CPPED1: variants seen among roughly 807,000 people sequenced by gnomAD.
The protein encoded by CPPED1 is calcineurin like phosphoesterase domain containing 1.
In CPPED1, 28 loss-of-function variants were observed where a neutral mutation model predicts 28.0. The observed-to-expected ratio is 1.00, with a 90% CI of 0.74 to 1.37. The LOEUF (loss-of-function observed/expected upper bound fraction) is 1.37. CPPED1 is among the 40% of genes most tolerant of loss of function. The probability of loss-of-function intolerance (pLI) is 0.00; values close to 1 mark genes in which losing one functional copy is unlikely to be tolerated. For missense variants in CPPED1, 504 were observed against 416.5 expected, an observed-to-expected ratio of 1.21 and a Z score of -1.83; for synonymous variants, 198 against 180.2, an observed-to-expected ratio of 1.10 and a Z score of -0.79.
chr16:12,756,126 G>A (rs1031919729), intron 2 of CPPED1, among the ~76,000 whole-genome samples: 24 of 123,824 alleles, frequency 1.9e-4, no homozygotes, highest in African/African-American at 9.4e-4. Flanking sequence ...GCGAAACTCC[G>A]TCAAAAAAAA....
chr16:12,704,668 C>T lies in CPPED1; in HGVS notation c.671G>A (p.Ser224Asn), dbSNP rs747224066. Residue 224 changes from serine (S) to asparagine (N), a missense_variant, in exon 3 of 4, where the codon AGC becomes AAC. Transcript: ENST00000381774. ...DEDDDYYFNL[S>N]KSTRKKLADK... ...TGCCAACTTCTTCCGAGTGGACTTG[C>T]TGAGGTTGAAGTAGTAGTCGTCGTC... is the stretch of plus-strand genomic sequence containing the variant. 6.2e-7 allele frequency: 1 copy of T among 1,613,818 alleles called. No homozygotes were observed. The highest frequency in any genetic ancestry group is 8.5e-7 in the Non-Finnish European group (1 of 1,179,728).
At chr16:12,767,068 C>T (rs1298635824) in intron 2 of CPPED1, among the ~76,000 whole-genome samples, 2 of 151,884 alleles carry the variant, frequency 1.3e-5, no homozygotes, top group Non-Finnish European at 2.9e-5. Flanking sequence ...AGGAGATACA[C>T]AGATATGTAA....
At chr16:12,716,843 G>A (rs1296136818) in intron 2 of CPPED1, among the ~76,000 whole-genome samples, 1 of 151,780 alleles carries the variant, frequency 6.6e-6, no homozygotes, top group Non-Finnish European at 1.5e-5. Flanking sequence ...AAGTTCTAGG[G>A]AGGGGCCCAG....
intron 2 of CPPED1, among the ~76,000 whole-genome samples, chr16:12,706,559 A>G (rs530006890): frequency 0.016 from 1,694 of 107,194 alleles, 40 homozygotes; most frequent in African/African-American, 0.049. Context: ...TTTCACCGAA[A>G]AAAAAAAAAA....
At chr16:12,801,768 A>C (rs2080661165) in intron 1 of CPPED1, among the ~76,000 whole-genome samples, 2 of 152,176 alleles carry the variant, frequency 1.3e-5, no homozygotes, top group Non-Finnish European at 2.9e-5. Context: ...GGATGATTTT[A>C]AAAAGGGTTT....
intron 3 of CPPED1, among the ~76,000 whole-genome samples, chr16:12,681,114 C>A (rs529509487): frequency 4.3e-4 from 64 of 149,220 alleles, no homozygotes; most frequent in Non-Finnish European, 7.6e-4. Flanking sequence ...AAGGATTCCT[C>A]CCCCGACCCC....
intron 1 of CPPED1, among the ~76,000 whole-genome samples, chr16:12,783,609 C>T (rs1334503703): frequency 1.3e-5 from 2 of 152,090 alleles, no homozygotes; most frequent in East Asian, 1.9e-4. Context: ...CCAGTGATAA[C>T]CTTTTTAAAT....
chr16:12,756,137 C>CAAAAAAAAAAAAA (rs1165308331), intron 2 of CPPED1, among the ~76,000 whole-genome samples: 1 of 144,250 alleles, frequency 6.9e-6, no homozygotes, highest in African/African-American at 2.8e-5. Context: ...TCAAAAAAAA[C>CAAAAAAAAAAAAA]AAAAAAAAAT....
chr16:12,757,117 CAGCACCTCGAGGGTGACCAATTAAGTTAT>C (rs1375644184), intron 2 of CPPED1, among the ~76,000 whole-genome samples: 35 of 151,652 alleles, frequency 2.3e-4, no homozygotes, highest in African/African-American at 8.5e-4. Flanking sequence ...AACTAAGTTA[CAGCACCTCGAGGGTGACCAATTAAGTTAT>C]AGCACCTCGA....
intron 3 of CPPED1, among the ~76,000 whole-genome samples, chr16:12,697,947 T>TA (rs1483084319): frequency 6.6e-6 from 1 of 152,018 alleles, no homozygotes; most frequent in Middle Eastern, 3.2e-3. Context: ...CTATCTCTTC[T>TA]AAAAATACAA....
At chr16:12,746,827 G>A (rs1381202286) in intron 2 of CPPED1, among the ~76,000 whole-genome samples, 2 of 152,122 alleles carry the variant, frequency 1.3e-5, no homozygotes, top group African/African-American at 4.8e-5. Flanking sequence ...TCGCTTGCAG[G>A]TGGACTGTGA....
intron 1 of CPPED1, among the ~76,000 whole-genome samples, chr16:12,793,272 C>A (rs1025546592): frequency 2.0e-5 from 3 of 152,196 alleles, no homozygotes; most frequent in African/African-American, 7.2e-5. Flanking sequence ...AGGCTGATTG[C>A]AAGACAGAGT....
At chr16:12,752,650 ATAT>A (rs1443213682) in intron 2 of CPPED1, among the ~76,000 whole-genome samples, 3 of 147,136 alleles carry the variant, frequency 2.0e-5, no homozygotes, top group South Asian at 4.2e-4. Context: ...ATATGTTTAT[ATAT>A]TATATGATAT....
At chr16:12,706,700 G>A (rs2080053077) in intron 2 of CPPED1, among the ~76,000 whole-genome samples, 2 of 152,090 alleles carry the variant, frequency 1.3e-5, no homozygotes, top group Admixed American at 6.5e-5. Context: ...GACCAGCCAT[G>A]AGGCCAATGT....
At chr16:12,796,801 T>C (rs564318438) in intron 1 of CPPED1, among the ~76,000 whole-genome samples, 2 of 152,044 alleles carry the variant, frequency 1.3e-5, no homozygotes, top group South Asian at 2.1e-4. Flanking sequence ...TTATTCCCAA[T>C]AGACAAGAGG....
At chr16:12,679,881 A>T (rs2079896364) in intron 3 of CPPED1, among the ~76,000 whole-genome samples, 1 of 152,228 alleles carries the variant, frequency 6.6e-6, no homozygotes, top group South Asian at 2.1e-4. Context: ...AAATGCAATT[A>T]TCTTAAGAAT....
chr16:12,768,012 C>T (rs1022133589), intron 2 of CPPED1, among the ~76,000 whole-genome samples: 1 of 152,056 alleles, frequency 6.6e-6, no homozygotes, highest in South Asian at 2.1e-4. Flanking sequence ...CTTAGTGCCC[C>T]AGAAGGAAAG....
At chr16:12,700,736 T>A (rs2080015952) in intron 3 of CPPED1, among the ~76,000 whole-genome samples, 1 of 152,214 alleles carries the variant, frequency 6.6e-6, no homozygotes, top group African/African-American at 2.4e-5. Flanking sequence ...ATAAAACATT[T>A]ATTATGAGCT....
intron 3 of CPPED1, among the ~76,000 whole-genome samples, chr16:12,695,875 A>C (rs1020994289): frequency 2.0e-5 from 3 of 152,204 alleles, no homozygotes; most frequent in Non-Finnish European, 4.4e-5. Context: ...TTGCTCAACT[A>C]AACTGTGAAC....
Sources: gnomAD v4.1 joint callset for allele counts (sites outside exome capture counted in the v4.1 genomes callset) on GRCh38, gnomAD v4.1.1 for gene constraint, MANE v1.5 for transcripts, NCBI Gene and HGNC (gene_info 2026-07-23, HGNC 2026-07-21) for gene names.